Variants in PABPC4L observed in about 807,000 individuals in gnomAD.
PABPC4L encodes the protein polyadenylate-binding protein 4-like.
For missense variants in PABPC4L, 452 were observed against 451.4 expected (o/e 1.00, Z -0.01); for synonymous variants, 169 against 164.1 (o/e 1.03, Z -0.23).
At chr4:134,026,610 T>C in the PABPC4L span, among the ~76,000 whole-genome samples, 1 of 152,210 alleles carries the variant, frequency 6.6e-6, no homozygotes, top group East Asian at 1.9e-4. Context: ...ATGTTATGGG[T>C]TGAATTGTGT....
chr4:134,069,674 T>G, the PABPC4L span, among the ~76,000 whole-genome samples: 1 of 152,188 alleles, frequency 6.6e-6, no homozygotes, highest in Non-Finnish European at 1.5e-5. Flanking sequence ...ATCAAATCAG[T>G]TTGGTTCTTT....
chr4:134,050,161 T>G, the PABPC4L span, among the ~76,000 whole-genome samples: 1 of 152,106 alleles, frequency 6.6e-6, no homozygotes. Flanking sequence ...TTAAAAAATT[T>G]TTTTCAACAT....
chr4:134,124,696 G>C, the PABPC4L span, among the ~76,000 whole-genome samples: 1 of 152,048 alleles, frequency 6.6e-6, no homozygotes. Flanking sequence ...CAGTCATAAT[G>C]ATAAAGTAGC....
chr4:134,040,688 AC>A, the PABPC4L span, among the ~76,000 whole-genome samples: 1 of 152,150 alleles, frequency 6.6e-6, no homozygotes, highest in African/African-American at 2.4e-5. Flanking sequence ...TGACTAAAAC[AC>A]CAAAAGCAAT....
chr4:134,180,410 T>C, the PABPC4L span, among the ~76,000 whole-genome samples: 3 of 152,060 alleles, frequency 2.0e-5, 1 homozygote, highest in African/African-American at 2.4e-5. Context: ...GGGAAGTTTA[T>C]AGCACTAAAC....
chr4:134,043,442 C>T, the PABPC4L span, among the ~76,000 whole-genome samples: 3 of 152,028 alleles, frequency 2.0e-5, no homozygotes, highest in Non-Finnish European at 2.9e-5. Context: ...AAATTTGCCA[C>T]ATCAGGTGGT....
the PABPC4L span, among the ~76,000 whole-genome samples, chr4:134,024,431 G>A: frequency 3.3e-5 from 5 of 152,082 alleles, no homozygotes; most frequent in Admixed American, 6.6e-5. Context: ...TTTTGGTGCG[G>A]CTACTCTTCC....
chr4:134,137,178 G>A, the PABPC4L span, among the ~76,000 whole-genome samples: 1 of 151,902 alleles, frequency 6.6e-6, no homozygotes, highest in African/African-American at 2.4e-5. Flanking sequence ...TCCTTCATTT[G>A]TTTTCCCCAG....
the PABPC4L span, among the ~76,000 whole-genome samples, chr4:134,144,980 G>A: frequency 6.6e-6 from 1 of 151,764 alleles, no homozygotes; most frequent in Non-Finnish European, 1.5e-5. Flanking sequence ...CAAGGAGGCA[G>A]TCTGAAGTTA....
chr4:134,088,278 G>A, the PABPC4L span, among the ~76,000 whole-genome samples: 2 of 152,002 alleles, frequency 1.3e-5, no homozygotes, highest in South Asian at 2.1e-4. Context: ...TATATCTCCA[G>A]TTTCAATTTT....
chr4:134,141,374 GA>G, the PABPC4L span, among the ~76,000 whole-genome samples: 9 of 143,444 alleles, frequency 6.3e-5, no homozygotes, highest in East Asian at 4.0e-4. Flanking sequence ...GGATAAAAAT[GA>G]AAAAAAAAAG....
At chr4:134,155,113 A>C in the PABPC4L span, among the ~76,000 whole-genome samples, 7 of 152,136 alleles carry the variant, frequency 4.6e-5, no homozygotes, top group Non-Finnish European at 7.4e-5. Context: ...ATGATTTTCC[A>C]AAATGTTGAA....
At chr4:134,109,350 A>G in the PABPC4L span, among the ~76,000 whole-genome samples, 1 of 151,922 alleles carries the variant, frequency 6.6e-6, no homozygotes, top group African/African-American at 2.4e-5. Flanking sequence ...GAGGCTTTGA[A>G]TATCAAGTAA....
At chr4:133,987,457 A>G in the PABPC4L span, among the ~76,000 whole-genome samples, 3 of 152,190 alleles carry the variant, frequency 2.0e-5, no homozygotes, top group Non-Finnish European at 2.9e-5. Flanking sequence ...ATCCCAAGGA[A>G]ACAGGTTAAT....
At chr4:134,154,303 A>C in the PABPC4L span, among the ~76,000 whole-genome samples, 2 of 151,964 alleles carry the variant, frequency 1.3e-5, no homozygotes, top group East Asian at 3.9e-4. Flanking sequence ...TAAAAATACA[A>C]AAATTATCTA....
chr4:134,190,255 C>T, the PABPC4L span, among the ~76,000 whole-genome samples: 1 of 152,118 alleles, frequency 6.6e-6, no homozygotes, highest in Non-Finnish European at 1.5e-5. Context: ...TGTCCTGACA[C>T]ATACTTCTCT....
chr4:133,966,450 A>G, the PABPC4L span, among the ~76,000 whole-genome samples: 3 of 152,356 alleles, frequency 2.0e-5, no homozygotes, highest in East Asian at 1.9e-4. Context: ...CAATCCCACT[A>G]CTGAGTATCT....
At chr4:134,125,311 CT>C in the PABPC4L span, among the ~76,000 whole-genome samples, 1,677 of 148,434 alleles carry the variant, frequency 0.011, 19 homozygotes, top group African/African-American at 0.038. Flanking sequence ...ACATCCTCCT[CT>C]TTTTTTTTTA....
the PABPC4L span, among the ~76,000 whole-genome samples, chr4:134,059,575 A>G: frequency 6.6e-6 from 1 of 151,448 alleles, no homozygotes; most frequent in Non-Finnish European, 1.5e-5. Flanking sequence ...ATAATAGAAC[A>G]TATGGCACTG....
Sources: allele counts gnomAD v4.1 joint callset (sites outside exome capture counted in the v4.1 genomes callset), GRCh38; gene constraint gnomAD v4.1.1; transcripts MANE v1.5; gene names NCBI Gene and HGNC (gene_info 2026-07-23, HGNC 2026-07-21).